Variants in UMOD observed in about 807,000 individuals in gnomAD.
The protein encoded by UMOD is uromodulin, also known as Tamm-Horsfall urinary glycoprotein.
A neutral mutation model predicts 66.0 loss-of-function variants in UMOD; 64 were observed. That is an observed-to-expected ratio of 0.97 (90% confidence interval 0.79 to 1.19). The LOEUF is 1.19. Among genes scored for constraint, UMOD ranks in the 50% most tolerant of loss-of-function variants. The pLI is 0.00. For missense variants in UMOD, 764 were observed against 850.9 expected (o/e 0.90, Z 1.27); for synonymous variants, 398 against 352.7 (o/e 1.13, Z -1.44).
chr16:20,353,298 C>A (rs1045444066), upstream of UMOD, among the ~76,000 whole-genome samples: 3 of 152,142 alleles, frequency 2.0e-5, no homozygotes, highest in African/African-American at 7.2e-5. Context: ...CTCTGTACAA[C>A]AAAGAATCAG....
Position 20,349,023 on chromosome 16 carries a change from A to G in UMOD, c.278T>C (p.Val93Ala), listed in dbSNP as rs2141676565. 8.8e-6 allele frequency: 14 copies of G among 1,590,964 alleles called. No homozygotes were observed. Among genetic ancestry groups the G allele is most frequent in the Non-Finnish European group, 1.2e-5 (14 of 1,168,888 alleles). ...CVNTPGSFSC[V>A]CPEGFRLSPG... ...CGACAGGCGGAAGCCTTCGGGGCAG[A>G]CGCAGGAGAAGGAGCCTGGCGTGTT... The change falls in exon 3 of 11, where the codon GTC (valine) becomes GCC (alanine). Residue 93 changes from valine to alanine, a missense_variant. Coordinates refer to ENST00000396138, the MANE Select transcript of UMOD (RefSeq NM_003361.4).
At position 20,337,326 on chromosome 16, in the gene UMOD, A is replaced by C. The variant is rs1964935406; in HGVS notation, c.1705T>G (p.Tyr569Asp). ...YDLVYLHCEV[Y>D]LCDTMNEKCK... is the part of the protein sequence containing the mutation. Reference sequence around the variant, plus strand: ...TTTTCATTCATGGTGTCACAGAGATAGACTTCACAGTGCAGGTAGACTAGG... The same window carrying C: ...TTTTCATTCATGGTGTCACAGAGATCGACTTCACAGTGCAGGTAGACTAGG... Residue 569 changes from tyrosine to aspartate, a missense_variant, in exon 8 of 11, where the codon TAT (tyrosine) becomes GAT (aspartate). Coordinates refer to ENST00000396138, the MANE Select transcript of UMOD (RefSeq NM_003361.4). The C allele has an allele frequency of 3.7e-6, 6 of 1,614,136 alleles. No homozygotes were observed. Among genetic ancestry groups the C allele is most frequent in the Non-Finnish European group, 3.4e-6 (4 of 1,180,054 alleles).
At position 20,344,619 on chromosome 16, in the gene UMOD, C is replaced by T. The variant is rs150523708; in HGVS notation, c.1183-447G>A. Among the ~76,000 whole-genome samples the T allele has an allele frequency of 7.5e-3, 1,120 of 148,468 alleles. 16 individuals are homozygous for T. Among genetic ancestry groups the T allele is most frequent in the African/African-American group, 0.025 (1,001 of 40,430 alleles). ...CCATCTCAAAAAAAAAAAAAAAAAT[C>T]CCACAACAGTTAAAAACTCCCTGTG... On this transcript the variant is annotated intron_variant, in intron 5 of 10. Coordinates refer to ENST00000396138, the MANE Select transcript of UMOD (RefSeq NM_003361.4).
Position 20,337,313 on chromosome 16 carries a change from G to C in UMOD, c.1718C>G (p.Thr573Ser). ...YLHCEVYLCDTMNEKCKPTCS... is the reference protein window; with the variant it reads ...YLHCEVYLCDSMNEKCKPTCS... ...CACAGGCTTGCACTTTTCATTCATGGTGTCACAGAGATAGACTTCACAGTG... is the reference window on the plus strand; with the variant it reads ...CACAGGCTTGCACTTTTCATTCATGCTGTCACAGAGATAGACTTCACAGTG... Residue 573 changes from threonine to serine, a missense_variant, in exon 8 of 11, where the codon ACC (threonine) becomes AGC (serine). Thr to Ser is a moderately conservative substitution (Grantham distance 58, BLOSUM62 1). Transcript: ENST00000396138. 1 of 1,614,158 alleles carries C rather than the reference G, an allele frequency of 6.2e-7. No individual in the cohort carries two copies. Among genetic ancestry groups the C allele is most frequent in the East Asian group, 2.2e-5 (1 of 44,886 alleles).
intron 6 of UMOD, chr16:20,342,388 C>G (rs1294747201): frequency 6.6e-6 from 1 of 152,342 alleles, no homozygotes; most frequent in Non-Finnish European, 1.5e-5. Context: ...GAGATGTGGG[C>G]ACACTTGTTG....
rs1218858441 is a variant in UMOD at position 20,349,094 on chromosome 16, G to A, written c.207C>T (p.Cys69=). The A allele has an allele frequency of 1.9e-6, 3 of 1,613,414 alleles. No individual in the cohort carries two copies. The highest frequency in any genetic ancestry group is 1.3e-5 in the African/African-American group (1 of 75,038). Reference sequence around the variant, plus strand: ...AGCAGTTGTGAGCTCCAGGAATGGCGCACTCATCCAGGTCCACGCAGGTCA... The same window carrying A: ...AGCAGTTGTGAGCTCCAGGAATGGCACACTCATCCAGGTCCACGCAGGTCA... ...DGLTCVDLDE[C]AIPGAHNCSA... is the part of the protein sequence containing the mutation. Residue 69 remains cysteine (C), a synonymous_variant, in exon 3 of 11, where the codon TGC becomes TGT. Transcript: ENST00000396138.
upstream of UMOD, among the ~76,000 whole-genome samples, chr16:20,353,767 T>C (rs992533749): frequency 9.2e-5 from 14 of 152,184 alleles, no homozygotes; most frequent in African/African-American, 3.4e-4. Flanking sequence ...GATCTTTTTT[T>C]TTTTTATACT....
intron 5 of UMOD, among the ~76,000 whole-genome samples, chr16:20,344,400 C>T (rs1339804454): frequency 1.3e-4 from 20 of 151,942 alleles, no homozygotes; most frequent in Admixed American, 9.2e-4. Context: ...GTCAGGAGTT[C>T]GAGACCAGCC....
In UMOD at chr16:20,337,434, A is replaced by G. The variant is rs1964949609; in HGVS notation, c.1597T>C (p.Ser533Pro). Residue 533 changes from serine (S) to proline (P), a missense_variant, in exon 8 of 11, where the codon TCA becomes CCA. Coordinates refer to ENST00000396138, the MANE Select transcript of UMOD (RefSeq NM_003361.4). ...CCATTCTCCACCACTTGGATAGTTGAGTCTCTAGTGTGTGGGCATCTGGGA... is the reference window on the plus strand; with the variant it reads ...CCATTCTCCACCACTTGGATAGTTGGGTCTCTAGTGTGTGGGCATCTGGGA... ...IQDRCPHTRD[S>P]TIQVVENGES... 2 of 1,614,158 alleles carry G rather than the reference A, an allele frequency of 1.2e-6. No individual in the cohort carries two copies. The highest frequency in any genetic ancestry group is 2.2e-5 in the East Asian group (1 of 44,874).
At chr16:20,336,858 T>C (rs904891777) in intron 8 of UMOD, 131 bp from the exon 9 acceptor site, 1 of 768,548 alleles carries the variant, frequency 1.3e-6, no homozygotes, top group Non-Finnish European at 2.2e-6. Flanking sequence ...GAGACCTGTA[T>C]ACCGGGGCTC....
chr16:20,336,852 C>A, intron 8 of UMOD, 125 bp from the exon 9 acceptor site: 2 of 813,582 alleles, frequency 2.5e-6, no homozygotes, highest in Non-Finnish European at 4.1e-6. Flanking sequence ...TGTTAGGAGA[C>A]CTGTATACCG....
At chr16:20,345,384 CCTTT>C (rs1375579275) in intron 5 of UMOD, among the ~76,000 whole-genome samples, 2 of 145,914 alleles carry the variant, frequency 1.4e-5, no homozygotes, top group South Asian at 2.3e-4. Flanking sequence ...TTCCTTCCTT[CCTTT>C]CTTTTCTTTT....
In UMOD at chr16:20,349,518, G is replaced by C. The variant is rs184360172; in HGVS notation, c.89-306C>G. Among the ~76,000 whole-genome samples, 9 of 152,176 alleles carry C rather than the reference G, an allele frequency of 5.9e-5. 1 individual carries two copies. The highest frequency in any genetic ancestry group is 1.2e-4 in the Non-Finnish European group (8 of 68,006). On this transcript the variant is annotated intron_variant, in intron 2 of 10. Transcript: ENST00000396138. Reference sequence around the variant, plus strand: ...AGCTCACCATAGCCTCCAATTCCTGGGTTCAAGCGTTCTACTCCCTGAGTT... The same window carrying C: ...AGCTCACCATAGCCTCCAATTCCTGCGTTCAAGCGTTCTACTCCCTGAGTT...
rs764673355 is a variant in UMOD, at chr16:20,336,731, C to T, written c.1741-4G>A. Reference sequence around the variant, plus strand: ...GGAATCTGGTCCCAGAGCAGGTCTACAGGGAGAGGGCAATAGAAAAACACC... The same window carrying T: ...GGAATCTGGTCCCAGAGCAGGTCTATAGGGAGAGGGCAATAGAAAAACACC... On this transcript the variant is annotated splice_polypyrimidine_tract_variant and splice_region_variant and intron_variant, in intron 8 of 10. Coordinates refer to ENST00000396138, the MANE Select transcript of UMOD (RefSeq NM_003361.4). 1.9e-6 allele frequency: 3 copies of T among 1,613,820 alleles called. No individual in the cohort carries two copies. The highest frequency in any genetic ancestry group is 1.7e-5 in the Admixed American group (1 of 60,006).
chr16:20,348,397 C>A, intron 3 of UMOD, 39 bp downstream of exon 3: 1 of 1,614,146 alleles, frequency 6.2e-7, no homozygotes, highest in Non-Finnish European at 8.5e-7. Flanking sequence ...AGTGCCTTTC[C>A]AGGCCTGGGA....
chr16:20,342,932 C>A (rs998216555), intron 6 of UMOD, among the ~76,000 whole-genome samples: 15 of 152,164 alleles, frequency 9.9e-5, no homozygotes, highest in African/African-American at 3.6e-4. Flanking sequence ...GAGTTTGAGA[C>A]CAGCCTGGCC....
At chr16:20,349,283 A>T (rs1965773148) in intron 2 of UMOD, 71 bp from the exon 3 acceptor site, 6 of 1,510,426 alleles carry the variant, frequency 4.0e-6, no homozygotes, top group African/African-American at 2.8e-5. Flanking sequence ...TCCTTCCCTC[A>T]TTCTCCAGGG....
chr16:20,341,839 A>G (rs1965241101), intron 6 of UMOD, among the ~76,000 whole-genome samples: 1 of 152,256 alleles, frequency 6.6e-6, no homozygotes, highest in Non-Finnish European at 1.5e-5. Flanking sequence ...TAACATCTAT[A>G]TCAGAAGATT....
chr16:20,336,532 G>A (rs1964880849), intron 9 of UMOD, 114 bp downstream of exon 9: 2 of 970,630 alleles, frequency 2.1e-6, no homozygotes, highest in East Asian at 2.5e-5. Flanking sequence ...GGATCCACTT[G>A]CTCCCAGTTC....
Sources: allele counts gnomAD v4.1 joint callset (sites outside exome capture counted in the v4.1 genomes callset), GRCh38; gene constraint gnomAD v4.1.1; transcripts MANE v1.5; gene names NCBI Gene and HGNC (gene_info 2026-07-23, HGNC 2026-07-21).